ROBO2: variants seen among roughly 807,000 people sequenced by gnomAD.
The protein encoded by ROBO2 is roundabout guidance receptor 2.
A neutral mutation model predicts 160.8 loss-of-function variants in ROBO2; 53 were observed. That is an observed-to-expected ratio of 0.33 (90% CI 0.26 to 0.41). ROBO2 has a LOEUF of 0.41. ROBO2 is among the 10% of genes least tolerant of loss of function. The probability of loss-of-function intolerance (pLI) is 1.00; values close to 1 mark genes in which losing one functional copy is unlikely to be tolerated. For missense variants in ROBO2, 1,577 were observed against 1,722.4 expected, an observed-to-expected ratio of 0.92 and a Z score of 1.49; for synonymous variants, 664 against 611.7, an observed-to-expected ratio of 1.09 and a Z score of -1.26.
At chr3:76,339,416 A>G (rs577882369) in intron 2 of ROBO2, among the ~76,000 whole-genome samples, 2 of 152,298 alleles carry the variant, frequency 1.3e-5, no homozygotes, top group African/African-American at 2.4e-5. Flanking sequence ...ATATATAGCA[A>G]TAAGATATAT....
chr3:77,338,556 T>G (rs535010526), intron 2 of ROBO2, among the ~76,000 whole-genome samples: 1 of 152,314 alleles, frequency 6.6e-6, no homozygotes, highest in African/African-American at 2.4e-5. Flanking sequence ...TATTTTTAAA[T>G]AACTTATTAA....
At chr3:77,515,663 T>C (rs1582627776) in intron 5 of ROBO2, among the ~76,000 whole-genome samples, 1 of 151,676 alleles carries the variant, frequency 6.6e-6, no homozygotes, top group East Asian at 2.0e-4. Flanking sequence ...CTGCTTACTT[T>C]AATTTCCTTA....
In ROBO2 at chr3:76,037,102, A is replaced by G. The variant is rs924107038; in HGVS notation, c.109+99500A>G. ...GCTCATCCATCTCCATTGTATATCA[A>G]TAGGCCTTTGAAAATAATCCTAGCT... On this transcript the variant is annotated intron_variant, in intron 2 of 26. Coordinates refer to the ROBO2 transcript ENST00000487694. 6.1e-4 allele frequency among the ~76,000 whole-genome samples: 93 copies of G among 152,054 alleles called. 2 individuals are homozygous for G. The highest frequency in any genetic ancestry group is 2.2e-3 in the African/African-American group (90 of 41,350).
chr3:76,833,938 CTTCT>C (rs146284994), intron 2 of ROBO2, among the ~76,000 whole-genome samples: 4,778 of 151,498 alleles, frequency 0.032, 122 homozygotes, highest in Middle Eastern at 0.048. Context: ...TCCTTCCTTC[CTTCT>C]TTTTTTCTTT....
chr3:76,884,863 A>C (rs1290739948), intron 2 of ROBO2, among the ~76,000 whole-genome samples: 1 of 152,108 alleles, frequency 6.6e-6, no homozygotes, highest in African/African-American at 2.4e-5. Flanking sequence ...CCTCACTTTC[A>C]CATCTCCCCA....
At chr3:77,442,923 T>C (rs952294972) in intron 2 of ROBO2, among the ~76,000 whole-genome samples, 2 of 152,180 alleles carry the variant, frequency 1.3e-5, no homozygotes, top group Admixed American at 1.3e-4. Flanking sequence ...AAGAGTGGAC[T>C]CCAACCTCTG....
intron 2 of ROBO2, among the ~76,000 whole-genome samples, chr3:76,962,990 A>G (rs1226134597): frequency 6.6e-6 from 1 of 152,166 alleles, no homozygotes; most frequent in Non-Finnish European, 1.5e-5. Flanking sequence ...AGTAGGAATT[A>G]CTGTTACAAA....
intron 1 of ROBO2, among the ~76,000 whole-genome samples, chr3:75,916,446 A>G (rs1048643315): frequency 6.6e-5 from 10 of 152,192 alleles, no homozygotes; most frequent in Admixed American, 5.9e-4. Flanking sequence ...ATGGTAGGCA[A>G]CAGAATGAAA....
intron 2 of ROBO2, among the ~76,000 whole-genome samples, chr3:77,415,284 G>A (rs1230170161): frequency 6.6e-6 from 1 of 152,164 alleles, no homozygotes; most frequent in Non-Finnish European, 1.5e-5. Flanking sequence ...GCCTGGACAG[G>A]TAGATTAGGG....
At chr3:76,516,386 G>A (rs1311613915) in intron 2 of ROBO2, among the ~76,000 whole-genome samples, 1 of 152,118 alleles carries the variant, frequency 6.6e-6, no homozygotes, top group Non-Finnish European at 1.5e-5. Context: ...AGCTTTCAGA[G>A]CTTCCACAAA....
chr3:76,008,027 A>T (rs1388334515), intron 2 of ROBO2, among the ~76,000 whole-genome samples: 1 of 152,006 alleles, frequency 6.6e-6, no homozygotes, highest in Admixed American at 6.6e-5. Context: ...TGAGGTCAGG[A>T]GTTCAAGACC....
intron 2 of ROBO2, among the ~76,000 whole-genome samples, chr3:77,387,191 G>T (rs1161363688): frequency 6.6e-6 from 1 of 151,642 alleles, no homozygotes; most frequent in African/African-American, 2.4e-5. Flanking sequence ...TGCCCCTGGT[G>T]GGTGTGTGAT....
At chr3:77,145,851 A>G (rs540437672) in intron 2 of ROBO2, among the ~76,000 whole-genome samples, 26 of 152,290 alleles carry the variant, frequency 1.7e-4, no homozygotes, top group African/African-American at 6.0e-4. Flanking sequence ...TCTTCAGTCC[A>G]GTGTGGCATT....
chr3:76,036,813 C>G (rs1330489426), intron 2 of ROBO2, among the ~76,000 whole-genome samples: 1 of 152,012 alleles, frequency 6.6e-6, no homozygotes, highest in Non-Finnish European at 1.5e-5. Context: ...CATTTCTCCA[C>G]TTTTTCACAT....
intron 2 of ROBO2, among the ~76,000 whole-genome samples, chr3:76,200,738 A>G (rs1702483768): frequency 6.6e-6 from 1 of 152,156 alleles, no homozygotes; most frequent in Non-Finnish European, 1.5e-5. Context: ...ATCCTATAGT[A>G]GGGTGGCAAG....
chr3:76,660,199 T>C (rs2091758201), intron 2 of ROBO2, among the ~76,000 whole-genome samples: 1 of 152,224 alleles, frequency 6.6e-6, no homozygotes, highest in African/African-American at 2.4e-5. Context: ...ATTCACAATT[T>C]TGTTTTCTAG....
chr3:77,441,446 A>G (rs982530041), intron 2 of ROBO2, among the ~76,000 whole-genome samples: 7 of 152,188 alleles, frequency 4.6e-5, no homozygotes, highest in Admixed American at 1.3e-4. Flanking sequence ...AAGAAAAATG[A>G]TAACAGTGTC....
chr3:76,396,317 G>A lies in ROBO2; in HGVS notation c.109+458715G>A, dbSNP rs144469168. 3.3e-3 allele frequency among the ~76,000 whole-genome samples: 505 copies of A among 152,160 alleles called. 6 individuals carry two copies. The highest frequency in any genetic ancestry group is 0.024 in the Admixed American group (367 of 15,266). On this transcript the variant is annotated intron_variant, in intron 2 of 26. Transcript: ENST00000487694. ...TCAATAAATTAGGTATTGATGGGAC[G>A]TGTCTCAAAATAATAAGAGCTATCT...
In ROBO2 at chr3:77,007,504, G is replaced by A. The variant is rs953363251; in HGVS notation, c.110-90510G>A. Among the ~76,000 whole-genome samples the A allele has an allele frequency of 1.8e-4, 28 of 151,812 alleles. No homozygotes were observed. The Middle Eastern group carries it at 0.01, about 56-fold the overall frequency. The stretch of plus-strand genomic sequence containing the variant: ...TACCCATTTTTTTCTGCATTTCTTC[G>A]AAAACACACATACACTTATTTACAC... On this transcript the variant is annotated intron_variant, in intron 2 of 26. Transcript: ENST00000487694.
Sources: allele counts gnomAD v4.1 joint callset (sites outside exome capture counted in the v4.1 genomes callset), GRCh38; gene constraint gnomAD v4.1.1; transcripts MANE v1.5; gene names NCBI Gene and HGNC (gene_info 2026-07-23, HGNC 2026-07-21).